SLC1A2: variants seen among roughly 807,000 people sequenced by gnomAD.
SLC1A2 encodes solute carrier family 1 member 2.
In SLC1A2, 15 loss-of-function variants were observed where a neutral mutation model predicts 48.8. That is an observed-to-expected ratio of 0.31 (90% CI 0.21 to 0.47). The LOEUF (loss-of-function observed/expected upper bound fraction) is 0.47. SLC1A2 is among the 20% of genes least tolerant of loss of function. SLC1A2 has a pLI of 0.99. For synonymous variants in SLC1A2, 279 were observed against 272.6 expected, an observed-to-expected ratio of 1.02 and a Z score of -0.23; for missense variants, 502 against 730.5, an observed-to-expected ratio of 0.69 and a Z score of 3.61.
rs1950332673 is a variant in SLC1A2 at position 35,257,771 on chromosome 11, C to A, written c.*3123G>T. The A allele has an allele frequency of 6.6e-6, 1 of 152,102 alleles. No homozygotes were observed. The highest frequency in any genetic ancestry group is 1.5e-5 in the Non-Finnish European group (1 of 68,004). 9.4% of individuals were successfully genotyped at this position (152,102 alleles called of 1,614,324 possible). ...GTTTTCTCCTGAAATGATTCTGATT[C>A]CTAAAAAACATGAATGAGTCTATAG... On this transcript the variant is annotated 3_prime_UTR_variant, in exon 11 of 11. Transcript: ENST00000278379.
intron 7 of SLC1A2, 128 bp from the exon 8 acceptor site, chr11:35,287,079 A>C: frequency 1.4e-6 from 1 of 727,156 alleles, no homozygotes; most frequent in Non-Finnish European, 2.3e-6. Context: ...TGTGACATGC[A>C]AAAAAGCAGT....
chr11:35,412,982 G>C (rs1855509604), intron 1 of SLC1A2, among the ~76,000 whole-genome samples: 1 of 152,090 alleles, frequency 6.6e-6, no homozygotes, highest in African/African-American at 2.4e-5. Context: ...TGCTTTGGGG[G>C]GTGGGGGGAA....
At chr11:35,346,570 A>G (rs890811903) in intron 1 of SLC1A2, among the ~76,000 whole-genome samples, 3 of 152,246 alleles carry the variant, frequency 2.0e-5, no homozygotes, top group African/African-American at 4.8e-5. Flanking sequence ...AGAGTAACTA[A>G]TGACAGAAAT....
intron 1 of SLC1A2, among the ~76,000 whole-genome samples, chr11:35,407,551 A>C (rs1855336997): frequency 6.6e-6 from 1 of 152,230 alleles, no homozygotes; most frequent in Admixed American, 6.5e-5. Context: ...ATTTATGGAA[A>C]AAAATAATTT....
chr11:35,291,907 G>C, intron 7 of SLC1A2: 1 of 185,150 alleles, frequency 5.4e-6, no homozygotes, highest in Non-Finnish European at 1.1e-5. Context: ...GTAATATTTT[G>C]TGATAGCATT....
At chr11:35,408,411 C>A (rs1855364839) in intron 1 of SLC1A2, among the ~76,000 whole-genome samples, 1 of 152,168 alleles carries the variant, frequency 6.6e-6, no homozygotes, top group African/African-American at 2.4e-5. Context: ...GCCAGTCTTT[C>A]CCATGGTATT....
chr11:35,275,923 G>A (rs1850426553), intron 9 of SLC1A2, among the ~76,000 whole-genome samples: 1 of 152,076 alleles, frequency 6.6e-6, no homozygotes, highest in Non-Finnish European at 1.5e-5. Flanking sequence ...ACAACCAAGA[G>A]CTAGTTTCCA....
chr11:35,354,342 C>A (rs1007921561), intron 1 of SLC1A2, among the ~76,000 whole-genome samples: 1 of 152,000 alleles, frequency 6.6e-6, no homozygotes, highest in Non-Finnish European at 1.5e-5. Flanking sequence ...CACCTGGAGT[C>A]CCCACTACCA....
chr11:35,290,670 C>T (rs1214756341), intron 7 of SLC1A2, among the ~76,000 whole-genome samples: 1 of 146,982 alleles, frequency 6.8e-6, no homozygotes, highest in Admixed American at 6.8e-5. Context: ...GTATGAGATA[C>T]CAGGCTTATA....
chr11:35,346,148 G>A (rs1853025102), intron 1 of SLC1A2, among the ~76,000 whole-genome samples: 1 of 151,988 alleles, frequency 6.6e-6, no homozygotes, highest in African/African-American at 2.4e-5. Context: ...ATGGTGGTTT[G>A]CTGCACCCAT....
chr11:35,343,836 A>G (rs1040264314), intron 1 of SLC1A2, among the ~76,000 whole-genome samples: 1 of 152,018 alleles, frequency 6.6e-6, no homozygotes, highest in African/African-American at 2.4e-5. Context: ...ACAGACACAC[A>G]CAGGCACACA....
intron 1 of SLC1A2, among the ~76,000 whole-genome samples, chr11:35,363,921 G>A (rs1853762887): frequency 1.3e-5 from 2 of 152,156 alleles, no homozygotes; most frequent in Non-Finnish European, 2.9e-5. Context: ...GTCTGTACCT[G>A]CACTGAGTGG....
chr11:35,349,580 T>C (rs2135075191), intron 1 of SLC1A2, among the ~76,000 whole-genome samples: 1 of 152,332 alleles, frequency 6.6e-6, no homozygotes. Context: ...AGATTTTCAG[T>C]CCTTTCGCTG....
At chr11:35,407,530 T>A (rs1176495343) in intron 1 of SLC1A2, among the ~76,000 whole-genome samples, 2 of 152,228 alleles carry the variant, frequency 1.3e-5, no homozygotes, top group Non-Finnish European at 2.9e-5. Flanking sequence ...ACCATCTACC[T>A]CTTGACTACC....
chr11:35,317,493 A>C lies in SLC1A2; in HGVS notation c.41T>G (p.Val14Gly), dbSNP rs779430494. The C allele has an allele frequency of 6.2e-7, 1 of 1,613,906 alleles. No homozygotes were observed. The highest frequency in any genetic ancestry group is 1.1e-5 in the South Asian group (1 of 91,080). ...ATGACTGTCGTGCATTCGCACTTCC[A>C]CCTGCTTGGGCATATTGTTGGCACT... The part of the protein sequence containing the change: ...TEGANNMPKQ[V>G]EVRMHDSHLG... Residue 14 changes from valine to glycine, a missense_variant, in exon 2 of 11, where the codon GTG (valine) becomes GGG (glycine). Physicochemically the swap from Val to Gly is moderately radical, Grantham distance 109 (BLOSUM62 -3). Around this residue, in one of 4 missense-constraint regions of SLC1A2, gnomAD observed 89 missense variants for 119.7 expected, o/e 0.74. Transcript: ENST00000278379.
intron 1 of SLC1A2, among the ~76,000 whole-genome samples, chr11:35,318,479 T>C (rs1851953853): frequency 6.6e-6 from 1 of 152,170 alleles, no homozygotes; most frequent in Non-Finnish European, 1.5e-5. Flanking sequence ...GAAAGAGAGG[T>C]GTCTCTGAAC....
At chr11:35,303,339 C>T (rs1409821626) in intron 5 of SLC1A2, among the ~76,000 whole-genome samples, 2 of 152,160 alleles carry the variant, frequency 1.3e-5, no homozygotes, top group Non-Finnish European at 2.9e-5. Context: ...GTTACTAATA[C>T]TTCACATTTA....
chr11:35,303,360 T>G (rs1851408655), intron 5 of SLC1A2, among the ~76,000 whole-genome samples: 1 of 152,190 alleles, frequency 6.6e-6, no homozygotes, highest in Non-Finnish European at 1.5e-5. Flanking sequence ...GTATCTCCTC[T>G]TTTTGCTCTC....
intron 1 of SLC1A2, among the ~76,000 whole-genome samples, chr11:35,381,042 G>A (rs566625194): frequency 7.9e-5 from 12 of 152,346 alleles, no homozygotes; most frequent in Non-Finnish European, 1.8e-4. Flanking sequence ...TCAGGTATAA[G>A]TTACTCAATT....
Sources: allele counts gnomAD v4.1 joint callset (sites outside exome capture counted in the v4.1 genomes callset), GRCh38; gene constraint gnomAD v4.1.1; regional missense constraint gnomAD v4.1.1; transcripts MANE v1.5; gene names NCBI Gene and HGNC (gene_info 2026-07-23, HGNC 2026-07-21).